The following ACSL6 variants were observed in gnomAD, a reference collection of about 807,000 sequenced individuals.
ACSL6 encodes acyl-CoA synthetase long chain family member 6.
Under a neutral mutation model 98.2 loss-of-function variants are expected in ACSL6, and 47 were observed. The observed-to-expected ratio is 0.48, with a 90% CI of 0.38 to 0.61. The LOEUF is 0.61. Ranked by LOEUF, ACSL6 falls within the 20% of genes least tolerant of loss-of-function variation. ACSL6 has a pLI of 0.00. For missense variants in ACSL6, 761 were observed against 913.4 expected, an observed-to-expected ratio of 0.83 and a Z score of 2.15; for synonymous variants, 362 against 336.9, an observed-to-expected ratio of 1.07 and a Z score of -0.82.
chr5:131,963,283 C>T (rs1379975253), intron 17 of ACSL6, among the ~76,000 whole-genome samples: 1 of 152,162 alleles, frequency 6.6e-6, no homozygotes, highest in Non-Finnish European at 1.5e-5. Context: ...AGTGCTGATG[C>T]CACTGGCCTC....
chr5:131,977,420 C>A (rs17132171), intron 9 of ACSL6, among the ~76,000 whole-genome samples: 5,365 of 152,242 alleles, frequency 0.035, 316 homozygotes, highest in African/African-American at 0.12. Context: ...ACTTGGCCAC[C>A]ATTTCCTGTC....
chr5:131,960,118 C>T (rs1178806279), intron 19 of ACSL6, among the ~76,000 whole-genome samples: 1 of 152,136 alleles, frequency 6.6e-6, no homozygotes, highest in Admixed American at 6.5e-5. Context: ...TGTCTACACC[C>T]AGCAGACACA....
In ACSL6 at chr5:131,972,835, TG is replaced by T; in HGVS notation, c.1226del (p.Pro409HisfsTer2). ...CAAACTCCAGGAGCCAGCGCTTTAATGGTGTGTTTGCCTGGCTGAAGATCTG... is the reference window on the plus strand; with the variant it reads ...CAAACTCCAGGAGCCAGCGCTTTAATGTGTGTTTGCCTGGCTGAAGATCTG... Reference protein sequence around the residue: ...YDKIFSQANTPLKRWLLEFAA... With the variant: ...YDKIFSQANTXLKRWLLEFAA... On this transcript the variant is annotated frameshift_variant, in exon 13 of 21. Coordinates refer to ENST00000651883, the MANE Select transcript of ACSL6 (RefSeq NM_001009185.3). LOFTEE classifies it high-confidence loss of function. 6.2e-7 allele frequency: 1 copy of T among 1,614,200 alleles called. No homozygotes were observed.
intron 6 of ACSL6, chr5:131,988,530 CT>C (rs776911570): frequency 6.2e-7 from 1 of 1,605,074 alleles, no homozygotes; most frequent in East Asian, 2.2e-5. Flanking sequence ...CTGTGCCAAG[CT>C]GTCATGAACT....
At chr5:132,002,858 T>C (rs1007580077) in intron 1 of ACSL6, among the ~76,000 whole-genome samples, 12 of 152,082 alleles carry the variant, frequency 7.9e-5, no homozygotes, top group African/African-American at 2.9e-4. Context: ...GGCACTTAGC[T>C]ATGGGAGAAA....
In ACSL6 at chr5:131,994,146, G is replaced by A; in HGVS notation, c.155C>T (p.Ala52Val). The A allele has an allele frequency of 6.2e-7, 1 of 1,614,226 alleles. No homozygotes were observed. Among genetic ancestry groups the A allele is most frequent in the Non-Finnish European group, 8.5e-7 (1 of 1,180,048 alleles). ...GGCACCCATACTCACGAGGGTGGTG[G>A]CCGAGAGGCTGCGGAAAAACTGTCC... ...DLGQFFRSLSATTLVSMGALA... is the reference protein window; with the variant it reads ...DLGQFFRSLSVTTLVSMGALA... Residue 52 changes from alanine to valine, a missense_variant, in exon 2 of 21, where the codon GCC becomes GTC. By Grantham distance (64) the Ala-to-Val change is moderately conservative. Transcript: ENST00000651883.
chr5:131,961,587 C>T (rs1464303948), intron 18 of ACSL6, among the ~76,000 whole-genome samples: 3 of 151,454 alleles, frequency 2.0e-5, no homozygotes, highest in Admixed American at 6.6e-5. Context: ...GTCCCAGCTA[C>T]TCGGGAGTCT....
chr5:131,960,619 G>T lies in ACSL6; in HGVS notation c.1860C>A (p.Ala620=). 1 of 1,613,276 alleles carries T rather than the reference G, an allele frequency of 6.2e-7. No individual in the cohort carries two copies. Among genetic ancestry groups the T allele is most frequent in the Non-Finnish European group, 8.5e-7 (1 of 1,179,684 alleles). ...QIYVHGDSLK[A]FLVGIVVPDP... ...CAGGCACAACAATGCCTACCAAAAAGGCCTGCAGTGCTCACCAAAGGAGAA... is the reference window on the plus strand; with the variant it reads ...CAGGCACAACAATGCCTACCAAAAATGCCTGCAGTGCTCACCAAAGGAGAA... The change falls in exon 19 of 21, where the codon GCC becomes GCA. Residue 620 remains alanine (A), a splice_region_variant and synonymous_variant. Transcript: ENST00000651883.
chr5:131,958,481 T>G (rs551625357), intron 20 of ACSL6, among the ~76,000 whole-genome samples: 2 of 152,306 alleles, frequency 1.3e-5, no homozygotes, highest in Non-Finnish European at 2.9e-5. Flanking sequence ...TTCCATACTT[T>G]TAAAAAATAT....
intron 5 of ACSL6, 114 bp downstream of exon 5, chr5:131,989,293 G>A: frequency 2.0e-6 from 2 of 1,022,826 alleles, no homozygotes; most frequent in East Asian, 2.4e-5. Context: ...TAGCCCAAGG[G>A]TCTCTGTTTT....
intron 1 of ACSL6, among the ~76,000 whole-genome samples, chr5:131,995,115 C>A (rs1342587238): frequency 2.6e-5 from 4 of 152,184 alleles, no homozygotes; most frequent in African/African-American, 9.7e-5. Flanking sequence ...CAGGGAGCCA[C>A]CCTCACCCAC....
intron 1 of ACSL6, among the ~76,000 whole-genome samples, chr5:131,996,623 C>G (rs1442146155): frequency 6.6e-6 from 1 of 152,246 alleles, no homozygotes; most frequent in African/African-American, 2.4e-5. Flanking sequence ...CCACCAGTCC[C>G]TGGTCCTTGG....
chr5:131,964,922 G>C (rs531676201), intron 17 of ACSL6, among the ~76,000 whole-genome samples: 23 of 152,314 alleles, frequency 1.5e-4, no homozygotes, highest in African/African-American at 5.1e-4. Context: ...GTAGGTGCCT[G>C]TCCTCCTCTG....
chr5:131,972,143 T>A (rs1382764488), intron 13 of ACSL6, among the ~76,000 whole-genome samples: 3 of 152,188 alleles, frequency 2.0e-5, no homozygotes, highest in Admixed American at 1.3e-4. Context: ...AGCCAAGATA[T>A]TTTAAATATT....
At chr5:132,006,639 G>C (rs952717930) in intron 1 of ACSL6, 1 of 152,216 alleles carries the variant, frequency 6.6e-6, no homozygotes, top group Non-Finnish European at 1.5e-5. Context: ...AGTGGCCCAA[G>C]CTCCCAATCT....
At chr5:131,999,022 G>A (rs1754930507) in intron 1 of ACSL6, among the ~76,000 whole-genome samples, 3 of 152,112 alleles carry the variant, frequency 2.0e-5, no homozygotes, top group Non-Finnish European at 4.4e-5. Context: ...AACGGGTGGG[G>A]AAGCTCAAGC....
chr5:131,950,838 T>A lies in ACSL6; in HGVS notation c.*3396A>T, dbSNP rs1752120440. On this transcript the variant is annotated 3_prime_UTR_variant, in exon 21 of 21. Coordinates refer to ENST00000651883, the MANE Select transcript of ACSL6 (RefSeq NM_001009185.3). The stretch of plus-strand genomic sequence containing the variant: ...TAAAACATTACCTGATTGGAAAAAA[T>A]TCCAATGGAAAGTTCTATTTTTTCT... 1 of 189,792 alleles carries A rather than the reference T, an allele frequency of 5.3e-6. No individual in the cohort carries two copies. Among genetic ancestry groups the A allele is most frequent in the African/African-American group, 2.3e-5 (1 of 42,944 alleles). 11.8% of individuals were successfully genotyped at this position (189,792 alleles called of 1,614,324 possible). A position where few individuals can be genotyped will look rare whatever the true frequency, so the allele number is the denominator to read the frequency against.
At chr5:131,964,837 T>G (rs969894492) in intron 17 of ACSL6, among the ~76,000 whole-genome samples, 3 of 152,204 alleles carry the variant, frequency 2.0e-5, no homozygotes, top group African/African-American at 7.2e-5. Flanking sequence ...ACTCAGCATA[T>G]ATTACTATCA....
chr5:131,972,470 T>C (rs991473384), intron 13 of ACSL6, among the ~76,000 whole-genome samples: 6 of 152,176 alleles, frequency 3.9e-5, no homozygotes, highest in Non-Finnish European at 8.8e-5. Context: ...AGCCACACTG[T>C]TGCCTGTGGA....
Sources: gnomAD v4.1 joint callset for allele counts (sites outside exome capture counted in the v4.1 genomes callset) on GRCh38, gnomAD v4.1.1 for gene constraint, MANE v1.5 for transcripts, NCBI Gene and HGNC (gene_info 2026-07-23, HGNC 2026-07-21) for gene names.